The following KLHL42 variants were observed in gnomAD, a reference collection of about 807,000 sequenced individuals.
KLHL42 encodes kelch like family member 42, also known as kelch-like protein 42.
KLHL42 carries 27 observed loss-of-function variants against 32.7 expected under a neutral mutation model. The observed-to-expected ratio is 0.83, with a 90% confidence interval of 0.61 to 1.14. KLHL42 has a LOEUF of 1.14. Ranked by LOEUF, KLHL42 falls within the 50% of genes most tolerant of loss-of-function variation. The probability of loss-of-function intolerance (pLI) is 0.00; values close to 1 mark genes in which losing one functional copy is unlikely to be tolerated. For synonymous variants in KLHL42, 267 were observed against 248.2 expected (o/e 1.08, Z -0.71); for missense variants, 491 against 560.8 (o/e 0.88, Z 1.26).
At chr12:27,786,866 G>C (rs1000189617) in intron 1 of KLHL42, among the ~76,000 whole-genome samples, 12 of 151,792 alleles carry the variant, frequency 7.9e-5, no homozygotes, top group African/African-American at 2.9e-4. Flanking sequence ...AGGACTACAG[G>C]TGCCCGCCAC....
chr12:27,801,255 T>A lies in KLHL42; in HGVS notation c.*3089T>A, dbSNP rs1005068651. 6.6e-6 allele frequency: 1 copy of A among 152,376 alleles called. No homozygotes were observed. The highest frequency in any genetic ancestry group is 1.5e-5 in the Non-Finnish European group (1 of 68,004). The allele number at this position is 152,376 out of a possible 1,614,324, so 9.4% of individuals were successfully genotyped here. A position where few individuals can be genotyped will look rare whatever the true frequency, so the allele number is the denominator to read the frequency against. On this transcript the variant is annotated 3_prime_UTR_variant, in exon 3 of 3. Coordinates refer to ENST00000381271, the MANE Select transcript of KLHL42 (RefSeq NM_020782.2). ...TAAGTAATTCCAAATGCCTTAGATA[T>A]CAATGAAAGCTACACACCATTGAGA...
At position 27,798,660 on chromosome 12, in the gene KLHL42, T is replaced by A. The variant is rs554059690; in HGVS notation, c.*494T>A. Reference sequence around the variant, plus strand: ...CACCCATACCCACACATACATCTAGTATGTTTAGGGTTCTGTGTTCAGATA... The same window carrying A: ...CACCCATACCCACACATACATCTAGAATGTTTAGGGTTCTGTGTTCAGATA... On this transcript the variant is annotated 3_prime_UTR_variant, in exon 3 of 3. Coordinates refer to ENST00000381271, the MANE Select transcript of KLHL42 (RefSeq NM_020782.2). 1 of 156,810 alleles carries A rather than the reference T, an allele frequency of 6.4e-6. No homozygotes were observed. The highest frequency in any genetic ancestry group is 1.9e-4 in the South Asian group (1 of 5,338). The allele number at this position is 156,810 out of a possible 1,614,324, so 9.7% of individuals were successfully genotyped here.
chr12:27,780,322 C>CT lies in KLHL42; in HGVS notation c.-9_-8insT. 6.4e-7 allele frequency: 1 copy of CT among 1,552,300 alleles called. No homozygotes were observed. Among genetic ancestry groups the CT allele is most frequent in the Non-Finnish European group, 8.7e-7 (1 of 1,153,786 alleles). On this transcript the variant is annotated 5_prime_UTR_variant, in exon 1 of 3. Coordinates refer to ENST00000381271, the MANE Select transcript of KLHL42 (RefSeq NM_020782.2). This position sits in a 1 kb window ranked among gnomAD's most constrained non-coding sequence, Gnocchi z 8.8. ...GGCGGTGAGCGCTGCCGCCCCGGGG[C>CT]CCCCAGCCATGTCGGCCGAGGAGAT...
At chr12:27,795,842 A>G (rs2062216142) in intron 2 of KLHL42, among the ~76,000 whole-genome samples, 1 of 152,186 alleles carries the variant, frequency 6.6e-6, no homozygotes, top group Non-Finnish European at 1.5e-5. Context: ...TTTAAATGTA[A>G]AAACAAAAAG....
intron 1 of KLHL42, among the ~76,000 whole-genome samples, chr12:27,790,113 A>C (rs1443516343): frequency 6.6e-6 from 1 of 152,018 alleles, no homozygotes; most frequent in Non-Finnish European, 1.5e-5. Context: ...CTCTACCTCC[A>C]TTCTTTCTTA....
rs952577865 is a variant in KLHL42, at chr12:27,797,899, C to T, written c.1251C>T (p.Thr417=). ...RRSSQSEDML[T]VQSYNTVTRQ... ...GCAGCCAGAGCGAGGACATGCTCAC[C>T]GTGCAGTCCTACAACACCGTCACCC... The change falls in exon 3 of 3, where the codon ACC becomes ACT. Residue 417 remains threonine (T), a synonymous_variant. Transcript: ENST00000381271. 1.3e-6 allele frequency: 1 copy of T among 780,952 alleles called. No individual in the cohort carries two copies. The highest frequency in any genetic ancestry group is 1.7e-5 in the Admixed American group (1 of 59,022). 48.4% of individuals were successfully genotyped at this position (780,952 alleles called of 1,614,324 possible). A position where few individuals can be genotyped will look rare whatever the true frequency, so the allele number is the denominator to read the frequency against.
At chr12:27,794,491 T>G (rs965137872) in intron 2 of KLHL42, among the ~76,000 whole-genome samples, 1 of 152,192 alleles carries the variant, frequency 6.6e-6, no homozygotes, top group African/African-American at 2.4e-5. Flanking sequence ...AGACCCCCTT[T>G]CTTTTTCTTT....
chr12:27,784,383 C>T (rs11613407), intron 1 of KLHL42, among the ~76,000 whole-genome samples: 1 of 151,732 alleles, frequency 6.6e-6, no homozygotes, highest in Admixed American at 6.6e-5. Flanking sequence ...CCTCGTGATC[C>T]GCCCACCTAG....
In KLHL42 at chr12:27,801,916, G is replaced by A. The variant is rs2062249162; in HGVS notation, c.*3750G>A. On this transcript the variant is annotated 3_prime_UTR_variant, in exon 3 of 3. Transcript: ENST00000381271. ...AAGTCACGGCCCATGACCTTGAAGA[G>A]CTTACGGCCTTATAAAGAGGTTCAC... 1 of 151,994 alleles carries A rather than the reference G, an allele frequency of 6.6e-6. No individual in the cohort carries two copies. Among genetic ancestry groups the A allele is most frequent in the Non-Finnish European group, 1.5e-5 (1 of 68,032 alleles). The allele number at this position is 151,994 out of a possible 1,614,324, so 9.4% of individuals were successfully genotyped here.
At chr12:27,784,250 C>T (rs1471269612) in intron 1 of KLHL42, among the ~76,000 whole-genome samples, 1 of 150,662 alleles carries the variant, frequency 6.6e-6, no homozygotes, top group East Asian at 2.0e-4. Flanking sequence ...TCTCCTGCCT[C>T]AGTTTCCCGA....
chr12:27,786,586 C>T (rs1035390825), intron 1 of KLHL42, among the ~76,000 whole-genome samples: 5 of 152,084 alleles, frequency 3.3e-5, no homozygotes, highest in African/African-American at 7.2e-5. Context: ...TCACCTTTGT[C>T]GGAGACTGCT....
intron 1 of KLHL42, chr12:27,787,552 G>C (rs1199498408): frequency 6.6e-6 from 1 of 150,908 alleles, no homozygotes; most frequent in African/African-American, 2.4e-5. Context: ...CCTTTAATCA[G>C]TGATAACTTG....
At chr12:27,795,834 T>G (rs892273354) in intron 2 of KLHL42, among the ~76,000 whole-genome samples, 2 of 152,132 alleles carry the variant, frequency 1.3e-5, no homozygotes, top group Non-Finnish European at 2.9e-5. Flanking sequence ...GAATCAACTT[T>G]AAATGTAAAA....
Position 27,780,551 on chromosome 12 carries a change from C to T in KLHL42, c.221C>T (p.Ala74Val), listed in dbSNP as rs766630406. Residue 74 changes from alanine to valine, a missense_variant, in exon 1 of 3, where the codon GCC (alanine) becomes GTC (valine). Around this residue, in one of 4 missense-constraint regions of KLHL42, gnomAD observed 248 missense variants for 329.2 expected, o/e 0.75. Transcript: ENST00000381271. This position sits in a 1 kb window ranked among gnomAD's most constrained non-coding sequence, Gnocchi z 8.8. ...LVLDFINAGG[A>V]REGWLLGPRG... ...CTGGACTTCATCAACGCCGGCGGGG[C>T]CCGCGAAGGCTGGCTCCTGGGCCCG... The T allele has an allele frequency of 2.0e-6, 3 of 1,528,000 alleles. No homozygotes were observed. The highest frequency in any genetic ancestry group is 4.3e-5 in the Admixed American group (2 of 46,320). The allele number at this position is 1,528,000 out of a possible 1,614,324, so 94.7% of individuals were successfully genotyped here.
chr12:27,780,678 C>T lies in KLHL42; in HGVS notation c.348C>T (p.Ser116=), dbSNP rs768351141. 3.7e-6 allele frequency: 6 copies of T among 1,601,594 alleles called. No homozygotes were observed. The highest frequency in any genetic ancestry group is 4.5e-5 in the East Asian group (2 of 44,684). ...VEAASFLQVT[S]LLQLLLSQVR... ...CGGCCTCCTTCCTGCAGGTCACGTC[C>T]CTGCTGCAGCTGCTGCTGTCCCAGG... Residue 116 remains serine (S), a synonymous_variant, in exon 1 of 3, where the codon TCC becomes TCT. Coordinates refer to ENST00000381271, the MANE Select transcript of KLHL42 (RefSeq NM_020782.2). The surrounding 1 kb of genome is among the most constrained non-coding windows in gnomAD (Gnocchi z 8.8).
chr12:27,786,823 C>T (rs941842566), intron 1 of KLHL42, among the ~76,000 whole-genome samples: 1 of 144,626 alleles, frequency 6.9e-6, no homozygotes, highest in South Asian at 2.2e-4. Context: ...CCCGTGTTAA[C>T]GCTATTCTCC....
chr12:27,789,417 C>A (rs1387722347), intron 1 of KLHL42, among the ~76,000 whole-genome samples: 1 of 152,192 alleles, frequency 6.6e-6, no homozygotes, highest in African/African-American at 2.4e-5. Context: ...CATCTTAAAA[C>A]AAATTCAGCA....
At chr12:27,793,191 G>A (rs563116653) in intron 2 of KLHL42, among the ~76,000 whole-genome samples, 1 of 152,242 alleles carries the variant, frequency 6.6e-6, no homozygotes, top group East Asian at 1.9e-4. Context: ...AGGATTGCTT[G>A]AGGCTGAGAG....
At chr12:27,794,267 A>G (rs896783586) in intron 2 of KLHL42, among the ~76,000 whole-genome samples, 1 of 152,088 alleles carries the variant, frequency 6.6e-6, no homozygotes, top group Non-Finnish European at 1.5e-5. Context: ...CTAGGGGAGG[A>G]GTCCTCCTTG....
Sources: gnomAD v4.1 joint callset for allele counts (sites outside exome capture counted in the v4.1 genomes callset) on GRCh38, gnomAD v4.1.1 for gene constraint, gnomAD v4.1.1 regional missense constraint, Gnocchi (gnomAD v3.1) non-coding constraint, MANE v1.5 for transcripts, NCBI Gene and HGNC (gene_info 2026-07-23, HGNC 2026-07-21) for gene names.